SLC7A14: variants seen among roughly 807,000 people sequenced by gnomAD.
SLC7A14 encodes the protein gamma-aminobutyric acid transporter SLC7A14.
A neutral mutation model predicts 60.2 loss-of-function variants in SLC7A14; 37 were observed. That is an observed-to-expected ratio of 0.61 (90% CI 0.47 to 0.81). SLC7A14 has a LOEUF of 0.81. SLC7A14 is among the 30% of genes least tolerant of loss of function. SLC7A14 has a pLI of 0.00. For missense variants in SLC7A14, 886 were observed against 982.7 expected (o/e 0.90, Z 1.32); for synonymous variants, 399 against 395.8 (o/e 1.01, Z -0.10).
rs1715368191 is a variant in SLC7A14 at position 170,585,737 on chromosome 3, C to T, written c.-153+174G>A. Among the ~76,000 whole-genome samples the T allele has an allele frequency of 6.6e-6, 1 of 152,234 alleles. No homozygotes were observed. Among genetic ancestry groups the T allele is most frequent in the South Asian group, 2.1e-4 (1 of 4,820 alleles). On this transcript the variant is annotated intron_variant, in intron 1 of 7. Transcript: ENST00000231706. The surrounding 1 kb of genome is among the most constrained non-coding windows in gnomAD (Gnocchi z 5.1). ...CACCTCCTCGGTTCTTCCAGGGAAC[C>T]CCTTCTCGGAGGGCGCCCTGGGCCT...
chr3:170,579,477 T>C (rs1287717402), intron 1 of SLC7A14, among the ~76,000 whole-genome samples: 1 of 152,228 alleles, frequency 6.6e-6, no homozygotes, highest in African/African-American at 2.4e-5. Context: ...AGCTTGATCA[T>C]TTGTTGTTCA....
intron 1 of SLC7A14, among the ~76,000 whole-genome samples, chr3:170,541,339 T>A (rs1714010555): frequency 6.6e-6 from 1 of 152,240 alleles, no homozygotes; most frequent in African/African-American, 2.4e-5. Flanking sequence ...GGTTCACACC[T>A]GTAATCCCAG....
intron 1 of SLC7A14, among the ~76,000 whole-genome samples, chr3:170,575,745 G>A (rs1464544503): frequency 6.6e-6 from 1 of 152,124 alleles, no homozygotes; most frequent in Non-Finnish European, 1.5e-5. Context: ...AATATCTCTG[G>A]GTTTTAACTA....
At chr3:170,523,823 A>T (rs867922010) in intron 2 of SLC7A14, among the ~76,000 whole-genome samples, 2 of 152,190 alleles carry the variant, frequency 1.3e-5, no homozygotes, top group African/African-American at 4.8e-5. Flanking sequence ...ATGATGTGAA[A>T]GTGGAAAAAA....
chr3:170,536,997 C>T (rs1713868405), intron 1 of SLC7A14, among the ~76,000 whole-genome samples: 1 of 152,206 alleles, frequency 6.6e-6, no homozygotes, highest in Admixed American at 6.5e-5. Context: ...AGACAGAACA[C>T]TAACTGGACT....
chr3:170,571,351 A>G (rs1404083034), intron 1 of SLC7A14, among the ~76,000 whole-genome samples: 1 of 152,234 alleles, frequency 6.6e-6, no homozygotes, highest in East Asian at 1.9e-4. Flanking sequence ...AGTTTAGGGC[A>G]AATCTGTCTT....
At chr3:170,543,578 G>A (rs1038636601) in intron 1 of SLC7A14, among the ~76,000 whole-genome samples, 1 of 151,726 alleles carries the variant, frequency 6.6e-6, no homozygotes, top group East Asian at 2.0e-4. Flanking sequence ...GAACCCCAGA[G>A]GTTGTAGTGA....
intron 1 of SLC7A14, among the ~76,000 whole-genome samples, chr3:170,574,566 A>T (rs911627228): frequency 1.3e-5 from 2 of 152,098 alleles, no homozygotes; most frequent in Non-Finnish European, 2.9e-5. Flanking sequence ...TCACTACCTG[A>T]GTGGTGGCAT....
intron 2 of SLC7A14, among the ~76,000 whole-genome samples, chr3:170,507,666 C>A (rs1712824151): frequency 6.6e-6 from 1 of 152,092 alleles, no homozygotes; most frequent in Admixed American, 6.5e-5. Flanking sequence ...GGGGGTGGGA[C>A]CTTTTTAACA....
chr3:170,480,795 A>C lies in SLC7A14; in HGVS notation c.1487T>G (p.Ile496Arg). 1 of 1,614,130 alleles carries C rather than the reference A, an allele frequency of 6.2e-7. No individual in the cohort carries two copies. ...LPSLGDNEML[I>R]GKSDKSTYNV... ...GTAGGTTGACTTGTCTGATTTCCCT[A>C]TGAGCATCTCATTGTCTCCCAAGGA... Residue 496 changes from isoleucine to arginine, a missense_variant, in exon 7 of 8, where the codon ATA becomes AGA. Transcript: ENST00000231706.
Position 170,480,503 on chromosome 3 carries a change from C to T in SLC7A14, c.1779G>A (p.Gln593=). 3 of 1,614,228 alleles carry T rather than the reference C, an allele frequency of 1.9e-6. No individual in the cohort carries two copies. Among genetic ancestry groups the T allele is most frequent in the Non-Finnish European group, 2.5e-6 (3 of 1,180,048 alleles). The change falls in exon 7 of 8, where the codon CAG becomes CAA. Residue 593 remains glutamine, a synonymous_variant. Transcript: ENST00000231706. ...CAACCAGAAGGATGGCCCACCAGCT[C>T]TGCTCTGAGATGTAGTCAGAACCAA... The part of the protein sequence containing the change: ...IIFGSDYISE[Q]SWWAILLVVL...
At chr3:170,468,864 C>A (rs1343428972) in intron 7 of SLC7A14, among the ~76,000 whole-genome samples, 2 of 152,168 alleles carry the variant, frequency 1.3e-5, no homozygotes, top group Non-Finnish European at 2.9e-5. Context: ...GGTTCTCAAC[C>A]CTGGCTGCAC....
At position 170,483,395 on chromosome 3, in the gene SLC7A14, C is replaced by T. The variant is rs767643797; in HGVS notation, c.1034G>A (p.Gly345Glu). 7 of 1,614,114 alleles carry T rather than the reference C, an allele frequency of 4.3e-6. No individual in the cohort carries two copies. Among genetic ancestry groups the T allele is most frequent in the South Asian group, 2.2e-5 (2 of 91,092 alleles). ...GGACCCCAGCAAGCTGACTGTCAGT[C>T]CTGCAACCGACCCAATGGCCACTAC... is the stretch of plus-strand genomic sequence containing the variant. ...KFVVAIGSVAGLTVSLLGSLF... is the reference protein window; with the variant it reads ...KFVVAIGSVAELTVSLLGSLF... The change falls in exon 6 of 8, where the codon GGA becomes GAA. Residue 345 changes from glycine (G) to glutamate (E), a missense_variant. Transcript: ENST00000231706.
chr3:170,534,265 G>A (rs1713769574), intron 1 of SLC7A14, among the ~76,000 whole-genome samples: 1 of 152,178 alleles, frequency 6.6e-6, no homozygotes, highest in East Asian at 1.9e-4. Context: ...CAGGCTGAAG[G>A]AGCAATCCCT....
At chr3:170,472,171 C>T (rs1231618645) in intron 7 of SLC7A14, among the ~76,000 whole-genome samples, 1 of 148,106 alleles carries the variant, frequency 6.8e-6, no homozygotes, top group Non-Finnish European at 1.5e-5. Context: ...GAGTTCGAGT[C>T]CAGCCTGGCC....
intron 7 of SLC7A14, among the ~76,000 whole-genome samples, chr3:170,479,139 C>CAAAACAAACA: frequency 7.4e-6 from 1 of 135,410 alleles, no homozygotes; most frequent in East Asian, 2.1e-4. Flanking sequence ...ACAAACAAAA[C>CAAAACAAACA]AAAACAAACA....
chr3:170,512,975 C>A (rs1713034926), intron 2 of SLC7A14, among the ~76,000 whole-genome samples: 1 of 152,108 alleles, frequency 6.6e-6, no homozygotes, highest in Non-Finnish European at 1.5e-5. Context: ...TAAACTGTGG[C>A]CGCAGTGTCT....
In SLC7A14 at chr3:170,460,544, A is replaced by G. The variant is rs1366658618; in HGVS notation, c.*6511T>C. 1 of 152,214 alleles carries G rather than the reference A, an allele frequency of 6.6e-6. No homozygotes were observed. The highest frequency in any genetic ancestry group is 1.9e-4 in the East Asian group (1 of 5,192). The allele number at this position is 152,214 out of a possible 1,614,324, so 9.4% of individuals were successfully genotyped here. A position where few individuals can be genotyped will look rare whatever the true frequency, so the allele number is the denominator to read the frequency against. ...TATCAGCAACTGCCAAGACCAATCA[A>G]TAGATGTGCATGGAACATTCTCTTC... is the stretch of plus-strand genomic sequence containing the variant. On this transcript the variant is annotated 3_prime_UTR_variant, in exon 8 of 8. Transcript: ENST00000231706.
At chr3:170,498,366 G>T (rs2108278827) in intron 4 of SLC7A14, among the ~76,000 whole-genome samples, 1 of 152,264 alleles carries the variant, frequency 6.6e-6, no homozygotes, top group Non-Finnish European at 1.5e-5. Flanking sequence ...ATGATTAAAT[G>T]AGATAGTACG....
Sources: allele counts gnomAD v4.1 joint callset (sites outside exome capture counted in the v4.1 genomes callset), GRCh38; gene constraint gnomAD v4.1.1; non-coding constraint Gnocchi (gnomAD v3.1); transcripts MANE v1.5; gene names NCBI Gene and HGNC (gene_info 2026-07-23, HGNC 2026-07-21).